GFPT1: variants seen among roughly 807,000 people sequenced by gnomAD.
The protein encoded by GFPT1 is glutamine--fructose-6-phosphate aminotransferase [isomerizing] 1.
In GFPT1, 40 loss-of-function variants were observed where a neutral mutation model predicts 92.0. The observed-to-expected ratio is 0.43, with a 90% CI of 0.34 to 0.57. The LOEUF (loss-of-function observed/expected upper bound fraction) is 0.57. GFPT1 is among the 20% of genes least tolerant of loss of function. The pLI is 0.02. For synonymous variants in GFPT1, 269 were observed against 280.6 expected (o/e 0.96, Z 0.41); for missense variants, 448 against 869.1 (o/e 0.52, Z 6.09).
chr2:69,327,603 C>T (rs978182798), intron 18 of GFPT1, among the ~76,000 whole-genome samples: 3 of 152,048 alleles, frequency 2.0e-5, no homozygotes, highest in South Asian at 2.1e-4. Context: ...CCCAGAGTAG[C>T]TGGGACTACA....
chr2:69,344,738 G>A (rs1294704133), intron 12 of GFPT1, among the ~76,000 whole-genome samples: 2 of 151,618 alleles, frequency 1.3e-5, no homozygotes, highest in Non-Finnish European at 2.9e-5. Context: ...CGATCTACAG[G>A]GCTCAAGCAA....
intron 13 of GFPT1, among the ~76,000 whole-genome samples, chr2:69,341,257 C>T (rs1205097541): frequency 1.3e-5 from 2 of 151,998 alleles, no homozygotes; most frequent in Non-Finnish European, 2.9e-5. Flanking sequence ...CCAGACAAAA[C>T]AATCACTTTT....
At chr2:69,344,368 C>G (rs1671030209) in intron 12 of GFPT1, among the ~76,000 whole-genome samples, 1 of 152,030 alleles carries the variant, frequency 6.6e-6, no homozygotes, top group African/African-American at 2.4e-5. Flanking sequence ...AAGAAGCTGC[C>G]CAAAGCTCTA....
At position 69,373,284 on chromosome 2, in the gene GFPT1, A is replaced by ACATAAAGT. The variant is rs931899622; in HGVS notation, c.115+714_115+721dup. On this transcript the variant is annotated intron_variant, in intron 2 of 19. Transcript: ENST00000357308. ...AGTTGAGGGAAGGAGCTAGGGTAGA[A>ACATAAAGT]CATAAAGTTGCCAGAAAGTTATGTT... Among the ~76,000 whole-genome samples the ACATAAAGT allele has an allele frequency of 4.8e-4, 73 of 152,296 alleles. 1 individual carries two copies. The highest frequency in any genetic ancestry group is 1.4e-3 in the African/African-American group (59 of 41,568).
intron 1 of GFPT1, among the ~76,000 whole-genome samples, chr2:69,380,398 T>C (rs1671980652): frequency 1.3e-5 from 2 of 152,112 alleles, no homozygotes; most frequent in Non-Finnish European, 2.9e-5. Flanking sequence ...AAAAATAACA[T>C]ATGGAGTGAA....
In GFPT1 at chr2:69,383,731, T is replaced by C. The variant is rs1672062942; in HGVS notation, c.7+3334A>G. On this transcript the variant is annotated intron_variant, in intron 1 of 19. Coordinates refer to ENST00000357308, the MANE Select transcript of GFPT1 (RefSeq NM_001244710.2). ...ACCTCCACCTCCTGGGTTCAAGAGA[T>C]TCTCCTGCCTCGGGCTTCCGAGTAA... Among the ~76,000 whole-genome samples, 3 of 152,340 alleles carry C rather than the reference T, an allele frequency of 2.0e-5. No individual in the cohort carries two copies. The South Asian group carries it at 6.2e-4, about 32-fold the overall frequency.
chr2:69,363,395 C>G, intron 4 of GFPT1, 150 bp downstream of exon 4: 1 of 824,578 alleles, frequency 1.2e-6, no homozygotes, highest in South Asian at 1.5e-5. Context: ...TGAGCCAGCA[C>G]TCTCAGCTCC....
chr2:69,367,255 A>G (rs1234110293), intron 3 of GFPT1, among the ~76,000 whole-genome samples: 2 of 152,214 alleles, frequency 1.3e-5, no homozygotes, highest in African/African-American at 4.8e-5. Flanking sequence ...CATACCAGGA[A>G]TTATCCATGT....
intron 2 of GFPT1, among the ~76,000 whole-genome samples, chr2:69,373,372 T>A (rs971515571): frequency 2.0e-5 from 3 of 152,154 alleles, no homozygotes; most frequent in African/African-American, 7.2e-5. Context: ...ATCCCAGCAC[T>A]TTGAAAGGCC....
intron 17 of GFPT1, 104 bp downstream of exon 17, chr2:69,329,193 C>T: frequency 8.5e-7 from 1 of 1,174,890 alleles, no homozygotes. Flanking sequence ...TACAGAAGCA[C>T]TTTCAAAAGT....
intron 13 of GFPT1, among the ~76,000 whole-genome samples, chr2:69,340,430 T>C (rs1670921075): frequency 6.6e-6 from 1 of 152,080 alleles, no homozygotes; most frequent in African/African-American, 2.4e-5. Flanking sequence ...CTAGAGAAAA[T>C]TAAAATTTTG....
At chr2:69,332,449 G>A (rs1277536294) in intron 15 of GFPT1, among the ~76,000 whole-genome samples, 1 of 151,624 alleles carries the variant, frequency 6.6e-6, no homozygotes, top group Non-Finnish European at 1.5e-5. Context: ...AAGTAGCTGG[G>A]ATTACAGGCG....
intron 11 of GFPT1, among the ~76,000 whole-genome samples, chr2:69,347,524 C>T (rs1364190841): frequency 6.7e-6 from 1 of 149,148 alleles, no homozygotes; most frequent in Non-Finnish European, 1.5e-5. Flanking sequence ...GTTGCCAAGG[C>T]TGGAGTGCAA....
At chr2:69,386,064 T>A (rs1333136927) in intron 1 of GFPT1, among the ~76,000 whole-genome samples, 2 of 150,270 alleles carry the variant, frequency 1.3e-5, no homozygotes, top group African/African-American at 2.4e-5. Flanking sequence ...CTTCCAGGGA[T>A]AAAGTCGGTT....
intron 1 of GFPT1, among the ~76,000 whole-genome samples, chr2:69,375,863 G>A (rs975529908): frequency 2.6e-5 from 4 of 152,212 alleles, no homozygotes; most frequent in African/African-American, 4.8e-5. Context: ...GCTGCTTAAG[G>A]ATATTGCTAA....
In GFPT1 at chr2:69,321,319, C is replaced by T. The variant is rs1356767497; in HGVS notation, c.*4870G>A. On this transcript the variant is annotated 3_prime_UTR_variant, in exon 20 of 20. Coordinates refer to ENST00000357308, the MANE Select transcript of GFPT1 (RefSeq NM_001244710.2). ...CGATTCTTTCCCAAACTGGGAAGTT[C>T]GGGTAGAGACAGTGGCTTTTGGTAA... 6.6e-6 allele frequency: 1 copy of T among 152,136 alleles called. No homozygotes were observed. The highest frequency in any genetic ancestry group is 1.9e-4 in the East Asian group (1 of 5,200). The allele number at this position is 152,136 out of a possible 1,614,324, so 9.4% of individuals were successfully genotyped here. A position where few individuals can be genotyped will look rare whatever the true frequency, so the allele number is the denominator to read the frequency against.
chr2:69,361,447 CAA>C (rs558027010), intron 4 of GFPT1, among the ~76,000 whole-genome samples: 981 of 87,942 alleles, frequency 0.011, 11 homozygotes, highest in African/African-American at 0.039. Context: ...GATTCCTTCT[CAA>C]AAAAAAAAAA....
rs199569354 is a variant in GFPT1 at position 69,340,962 on chromosome 2, A to AT, written c.1203+1189dup. Among the ~76,000 whole-genome samples, 1,398 of 144,964 alleles carry AT rather than the reference A, an allele frequency of 9.6e-3. 16 individuals are homozygous for AT. The highest frequency in any genetic ancestry group is 0.029 in the African/African-American group (1,154 of 39,672). On this transcript the variant is annotated intron_variant, in intron 13 of 19. Transcript: ENST00000357308. ...CATCTTTCTTCTTCCCGTGTTCAAAATTTTTTTTTTTTTTTGAGACAGGGC... is the reference window on the plus strand; with the variant it reads ...CATCTTTCTTCTTCCCGTGTTCAAAATTTTTTTTTTTTTTTTGAGACAGGGC...
At chr2:69,380,593 C>T (rs1671985796) in intron 1 of GFPT1, among the ~76,000 whole-genome samples, 1 of 152,156 alleles carries the variant, frequency 6.6e-6, no homozygotes, top group South Asian at 2.1e-4. Flanking sequence ...ATGTCATCAT[C>T]TTTCTTGAGA....
Sources: gnomAD v4.1 joint callset for allele counts (sites outside exome capture counted in the v4.1 genomes callset) on GRCh38, gnomAD v4.1.1 for gene constraint, MANE v1.5 for transcripts, NCBI Gene and HGNC (gene_info 2026-07-23, HGNC 2026-07-21) for gene names.